MTMR7: variants seen among roughly 807,000 people sequenced by gnomAD.
MTMR7 encodes myotubularin related protein 7.
Under a neutral mutation model 81.2 loss-of-function variants are expected in MTMR7, and 76 were observed. The observed-to-expected ratio is 0.94, with a 90% confidence interval of 0.78 to 1.13. The LOEUF (loss-of-function observed/expected upper bound fraction) is 1.13. Ranked by LOEUF, MTMR7 falls within the 50% of genes most tolerant of loss-of-function variation. The pLI is 0.00. For missense variants in MTMR7, 1,044 were observed against 820.0 expected, an observed-to-expected ratio of 1.27 and a Z score of -3.34; for synonymous variants, 372 against 289.8, an observed-to-expected ratio of 1.28 and a Z score of -2.88.
At chr8:17,308,322 C>A (rs1045765149) in intron 10 of MTMR7, among the ~76,000 whole-genome samples, 11 of 152,086 alleles carry the variant, frequency 7.2e-5, no homozygotes, top group African/African-American at 2.7e-4. Flanking sequence ...AATAGAACCC[C>A]AAACTGAAAA....
intron 12 of MTMR7, 90 bp from the exon 13 acceptor site, chr8:17,302,370 A>T (rs2150461292): frequency 2.2e-6 from 3 of 1,356,250 alleles, no homozygotes; most frequent in African/African-American, 1.5e-5. Context: ...ATGATACCAC[A>T]GTCTTAATAA....
chr8:17,329,785 A>G (rs142040168), intron 7 of MTMR7, among the ~76,000 whole-genome samples: 13 of 152,360 alleles, frequency 8.5e-5, no homozygotes, highest in East Asian at 3.9e-4. Context: ...CAAACTCTGC[A>G]TGATAATCTC....
At chr8:17,348,916 A>T in intron 5 of MTMR7, 37 bp downstream of exon 5, 2 of 1,612,492 alleles carry the variant, frequency 1.2e-6, no homozygotes, top group Non-Finnish European at 1.7e-6. Flanking sequence ...AAACTAGAAA[A>T]GCAAAGTGTA....
intron 4 of MTMR7, among the ~76,000 whole-genome samples, chr8:17,358,659 C>A (rs1200765868): frequency 6.6e-6 from 1 of 152,052 alleles, no homozygotes; most frequent in African/African-American, 2.4e-5. Context: ...ATTCTATAGG[C>A]CATGTGCACT....
chr8:17,390,017 C>G (rs1194218290), intron 1 of MTMR7, among the ~76,000 whole-genome samples: 2 of 149,950 alleles, frequency 1.3e-5, no homozygotes, highest in African/African-American at 4.9e-5. Context: ...TCACTGCTCA[C>G]ATGGAGTTTG....
At chr8:17,317,328 G>A (rs1371083543) in intron 7 of MTMR7, among the ~76,000 whole-genome samples, 2 of 152,208 alleles carry the variant, frequency 1.3e-5, no homozygotes, top group Non-Finnish European at 2.9e-5. Flanking sequence ...ACATCTGCGA[G>A]TCCTTTGTCT....
intron 7 of MTMR7, among the ~76,000 whole-genome samples, chr8:17,322,942 T>A (rs7824439): frequency 0.26 from 37,408 of 145,194 alleles, 5,778 homozygotes; most frequent in East Asian, 0.42. Flanking sequence ...TAGAGTGGAT[T>A]GAATTATCTT....
intron 5 of MTMR7, among the ~76,000 whole-genome samples, chr8:17,344,753 G>A (rs1757213597): frequency 6.6e-6 from 1 of 152,156 alleles, no homozygotes; most frequent in Non-Finnish European, 1.5e-5. Context: ...AAACTACAGA[G>A]TGTGAGAAGG....
chr8:17,392,032 C>T (rs1338727716), intron 1 of MTMR7, among the ~76,000 whole-genome samples: 1 of 152,132 alleles, frequency 6.6e-6, no homozygotes. Context: ...GCTTCTTGGA[C>T]TCCCTCTGAG....
In MTMR7 at chr8:17,296,815, A is replaced by G. The variant is rs951560113; in HGVS notation, c.*3047T>C. ...TGAGTAGTTCATCTCAGTGTTTTTT[A>G]TTCTTTAAAGTTGAACTATCCCAGT... On this transcript the variant is annotated 3_prime_UTR_variant, in exon 14 of 14. Coordinates refer to ENST00000180173, the MANE Select transcript of MTMR7 (RefSeq NM_004686.5). 1 of 152,160 alleles carries G rather than the reference A, an allele frequency of 6.6e-6. No individual in the cohort carries two copies. Among genetic ancestry groups the G allele is most frequent in the African/African-American group, 2.4e-5 (1 of 41,452 alleles). The allele number at this position is 152,160 out of a possible 1,614,324, so 9.4% of individuals were successfully genotyped here. A position where few individuals can be genotyped will look rare whatever the true frequency, so the allele number is the denominator to read the frequency against.
intron 7 of MTMR7, among the ~76,000 whole-genome samples, chr8:17,323,430 A>G (rs1818510594): frequency 6.6e-6 from 1 of 152,156 alleles, no homozygotes; most frequent in South Asian, 2.1e-4. Flanking sequence ...AACTGAAGGT[A>G]GGGTTTAAGG....
intron 5 of MTMR7, among the ~76,000 whole-genome samples, chr8:17,342,426 A>G (rs950069344): frequency 6.6e-6 from 1 of 152,222 alleles, no homozygotes; most frequent in African/African-American, 2.4e-5. Flanking sequence ...GGAAAGTTTC[A>G]CTGCAAATAG....
chr8:17,411,330 C>T (rs1183552170), intron 1 of MTMR7, among the ~76,000 whole-genome samples: 1 of 152,146 alleles, frequency 6.6e-6, no homozygotes, highest in African/African-American at 2.4e-5. Context: ...CTTCCCTTGA[C>T]CTTGAGGGCA....
At chr8:17,377,735 T>C (rs1820632292) in intron 1 of MTMR7, among the ~76,000 whole-genome samples, 1 of 152,176 alleles carries the variant, frequency 6.6e-6, no homozygotes, top group Non-Finnish European at 1.5e-5. Flanking sequence ...ATCCTCATTC[T>C]TCTTTCTAGA....
rs1158828948 is a variant in MTMR7, at chr8:17,298,483, G to T, written c.*1379C>A. 6.6e-6 allele frequency: 1 copy of T among 152,056 alleles called. No homozygotes were observed. Among genetic ancestry groups the T allele is most frequent in the Non-Finnish European group, 1.5e-5 (1 of 67,902 alleles). 9.4% of individuals were successfully genotyped at this position (152,056 alleles called of 1,614,324 possible). On this transcript the variant is annotated 3_prime_UTR_variant, in exon 14 of 14. Transcript: ENST00000180173. ...CCCTCCAAATCTTTCATACTAGAGA[G>T]ATCAGCAATGTTGCTTTCTTGCCCT... is the stretch of plus-strand genomic sequence containing the variant.
chr8:17,369,337 A>G (rs1820335206), intron 3 of MTMR7, among the ~76,000 whole-genome samples: 1 of 152,228 alleles, frequency 6.6e-6, no homozygotes, highest in African/African-American at 2.4e-5. Flanking sequence ...GTAACAGTGC[A>G]AAGTAAAAAC....
chr8:17,380,715 G>A (rs1820731093), intron 1 of MTMR7, among the ~76,000 whole-genome samples: 2 of 152,268 alleles, frequency 1.3e-5, no homozygotes, highest in African/African-American at 4.8e-5. Context: ...CCTTCACCAT[G>A]GCTGTGGTGA....
At chr8:17,327,884 T>G (rs1349576589) in intron 7 of MTMR7, among the ~76,000 whole-genome samples, 1 of 152,238 alleles carries the variant, frequency 6.6e-6, no homozygotes, top group Non-Finnish European at 1.5e-5. Flanking sequence ...TTTTAAAAAA[T>G]TATGCTTTTT....
chr8:17,337,798 T>C (rs951951935), intron 6 of MTMR7, among the ~76,000 whole-genome samples: 2 of 152,156 alleles, frequency 1.3e-5, no homozygotes, highest in African/African-American at 4.8e-5. Flanking sequence ...TTCTGTTTTT[T>C]GTAGAGATGG....
Sources: gnomAD v4.1 joint callset for allele counts (sites outside exome capture counted in the v4.1 genomes callset) on GRCh38, gnomAD v4.1.1 for gene constraint, MANE v1.5 for transcripts, NCBI Gene and HGNC (gene_info 2026-07-23, HGNC 2026-07-21) for gene names.